SP140: variants seen among roughly 807,000 people sequenced by gnomAD.
The protein encoded by SP140 is SP140 nuclear body protein, also known as nuclear body protein SP140.
A neutral mutation model predicts 125.0 loss-of-function variants in SP140; 81 were observed. The ratio of observed to expected loss-of-function variants is 0.65; its 90% CI spans 0.54 to 0.78. The LOEUF (loss-of-function observed/expected upper bound fraction) is 0.78. Ranked by LOEUF, SP140 falls within the 30% of genes least tolerant of loss-of-function variation. The pLI is 0.00. For synonymous variants in SP140, 312 were observed against 354.0 expected, an observed-to-expected ratio of 0.88 and a Z score of 1.33; for missense variants, 858 against 1,037.0, an observed-to-expected ratio of 0.83 and a Z score of 2.37.
At chr2:230,265,824 A>C (rs1240095936) in intron 12 of SP140, among the ~76,000 whole-genome samples, 1 of 151,944 alleles carries the variant, frequency 6.6e-6, no homozygotes, top group East Asian at 1.9e-4. Flanking sequence ...CTGCAGGTGC[A>C]ATCTGCTTCC....
chr2:230,231,383 T>C (rs932579371), intron 1 of SP140, among the ~76,000 whole-genome samples: 1 of 152,186 alleles, frequency 6.6e-6, no homozygotes, highest in African/African-American at 2.4e-5. Context: ...AAGCCTTCAA[T>C]GTGAGGTTTT....
intron 12 of SP140, among the ~76,000 whole-genome samples, chr2:230,265,178 A>C (rs906751079): frequency 1.3e-5 from 2 of 152,004 alleles, no homozygotes; most frequent in African/African-American, 4.8e-5. Context: ...TTCCCATGTC[A>C]CTGGAGTTGT....
At chr2:230,235,961 C>T (rs2047937304) in intron 1 of SP140, among the ~76,000 whole-genome samples, 1 of 149,958 alleles carries the variant, frequency 6.7e-6, no homozygotes, top group Non-Finnish European at 1.5e-5. Context: ...ACTGCAAGCT[C>T]CGCCTCCTGG....
Position 230,296,076 on chromosome 2 carries a change from C to CA in SP140, c.2017-1330dup, listed in dbSNP as rs10712405. ...CAACATAGTGAGATACCATCTCTAC[C>CA]AAAAAAAAAAAAAAATTACCCAGAC... On this transcript the variant is annotated intron_variant, in intron 21 of 26. Transcript: ENST00000392045. 1.3e-3 allele frequency among the ~76,000 whole-genome samples: 180 copies of CA among 143,292 alleles called. 1 individual carries two copies. In the East Asian group the frequency reaches 0.018, roughly 14 times the overall value. The allele number at this position is 143,292 out of a possible 152,430, so 94.0% of individuals were successfully genotyped here.
At chr2:230,280,072 A>C (rs1201903654) in intron 15 of SP140, among the ~76,000 whole-genome samples, 2 of 152,134 alleles carry the variant, frequency 1.3e-5, no homozygotes, top group East Asian at 3.8e-4. Context: ...TTTCTTGTTT[A>C]AATTTGTGTC....
Position 230,258,321 on chromosome 2 carries a change from C to T in SP140, c.1240+2789C>T, listed in dbSNP as rs202177106. Among the ~76,000 whole-genome samples the T allele has an allele frequency of 1.4e-4, 21 of 152,174 alleles. No individual in the cohort carries two copies. In the East Asian group the frequency reaches 3.9e-3, roughly 28 times the overall value. On this transcript the variant is annotated intron_variant, in intron 12 of 26. Transcript: ENST00000392045. The stretch of plus-strand genomic sequence containing the variant: ...TGCTAGATTGAGAGTGTTATCCTTG[C>T]AAAGGATGACATAAGAAAAAGTAAT...
intron 1 of SP140, among the ~76,000 whole-genome samples, chr2:230,207,832 C>T (rs935623370): frequency 3.3e-5 from 5 of 152,134 alleles, no homozygotes; most frequent in East Asian, 1.9e-4. Flanking sequence ...TTCTTTACAC[C>T]GTAGCAAAAT....
At chr2:230,310,067 T>C in intron 23 of SP140, 28 bp downstream of exon 23, 2 of 1,610,582 alleles carry the variant, frequency 1.2e-6, no homozygotes, top group Non-Finnish European at 1.7e-6. Flanking sequence ...GTCTCTCTTT[T>C]TGTCCTTTAA....
intron 1 of SP140, 109 bp from the exon 2 acceptor site, chr2:230,236,974 T>C: frequency 1.4e-6 from 1 of 734,918 alleles, no homozygotes; most frequent in South Asian, 2.3e-5. Flanking sequence ...ATGCTTATTT[T>C]ATACATGTTG....
At chr2:230,195,747 C>T in the SP140 span, among the ~76,000 whole-genome samples, 1 of 152,044 alleles carries the variant, frequency 6.6e-6, no homozygotes, top group South Asian at 2.1e-4. Context: ...ATGAGATAAA[C>T]AGATTTGAAT....
intron 3 of SP140, among the ~76,000 whole-genome samples, chr2:230,217,467 C>A (rs181039842): frequency 1.3e-5 from 2 of 152,204 alleles, no homozygotes; most frequent in Admixed American, 1.3e-4. Context: ...GACAGAATCC[C>A]AAGGCGCTGC....
chr2:230,251,039 C>T lies in SP140; in HGVS notation c.1035C>T (p.Ser345=), dbSNP rs781018964. 5.6e-6 allele frequency: 9 copies of T among 1,613,588 alleles called. No homozygotes were observed. The South Asian group carries it at 9.9e-5, about 18-fold the overall frequency. ...CDGEEPQEAS[S]SLARCGSVSC... is the part of the protein sequence containing the mutation. ...GAGAAGAGCCCCAGGAAGCCTCTAG[C>T]TCCCTAGCAAGATGTGGGTCAGGTA... The change falls in exon 10 of 27, where the codon AGC becomes AGT. Residue 345 remains serine (S), a synonymous_variant. Transcript: ENST00000392045.
At chr2:230,200,811 G>A, upstream of SP140, 2 of 1,119,394 alleles carry the variant, frequency 1.8e-6, no homozygotes, top group Non-Finnish European at 1.4e-6. Flanking sequence ...AAGAAATATT[G>A]CCTCAGTGTA....
intron 1 of SP140, chr2:230,235,219 C>T (rs2047797358): frequency 6.6e-6 from 1 of 152,236 alleles, no homozygotes; most frequent in South Asian, 2.1e-4. Context: ...ATCTCTGCAT[C>T]TCCTTCTCAA....
downstream of SP140, among the ~76,000 whole-genome samples, chr2:230,315,302 C>T (rs757425123): frequency 4.6e-5 from 7 of 152,140 alleles, no homozygotes; most frequent in Non-Finnish European, 8.8e-5. Flanking sequence ...CAAGTTTTCA[C>T]GGGAGGGCTC....
In SP140 at chr2:230,312,854, A is replaced by G. The variant is rs2059431748; in HGVS notation, c.*170A>G. On this transcript the variant is annotated 3_prime_UTR_variant, in exon 27 of 27. Coordinates refer to ENST00000392045, the MANE Select transcript of SP140 (RefSeq NM_007237.5). ...CAAATCCTCAAAAGGAAATTCAATC[A>G]TCATGAATCACAACCCCAAGTATCT... The G allele has an allele frequency of 1.8e-6, 1 of 543,820 alleles. No individual in the cohort carries two copies. The highest frequency in any genetic ancestry group is 3.5e-5 in the Admixed American group (1 of 28,620). 33.7% of individuals were successfully genotyped at this position (543,820 alleles called of 1,614,324 possible). A position where few individuals can be genotyped will look rare whatever the true frequency, so the allele number is the denominator to read the frequency against.
At chr2:230,286,434 TG>T (rs1445402694) in intron 17 of SP140, among the ~76,000 whole-genome samples, 2 of 152,200 alleles carry the variant, frequency 1.3e-5, no homozygotes, top group African/African-American at 4.8e-5. Flanking sequence ...GCTGTTGGCT[TG>T]GTCCCATCCA....
chr2:230,225,937 A>C lies in SP140; in HGVS notation c.59+34A>C, dbSNP rs772138638. 4 of 1,578,660 alleles carry C rather than the reference A, an allele frequency of 2.5e-6. No homozygotes were observed. In the Admixed American group the frequency reaches 6.7e-5, roughly 26 times the overall value. ...TCGTCTCCTTTCCCGTCTGTCCTTC[A>C]TCTCTGGTAGGGTTCCCTTTCATAC... On this transcript the variant is annotated intron_variant, in intron 1 of 26. Coordinates refer to ENST00000392045, the MANE Select transcript of SP140 (RefSeq NM_007237.5).
intron 4 of SP140, among the ~76,000 whole-genome samples, chr2:230,242,042 A>T (rs897017287): frequency 1.3e-5 from 2 of 152,160 alleles, no homozygotes; most frequent in Non-Finnish European, 2.9e-5. Context: ...GTGTTGGCAG[A>T]TAGAAGATCA....
Sources: gnomAD v4.1 joint callset for allele counts (sites outside exome capture counted in the v4.1 genomes callset) on GRCh38, gnomAD v4.1.1 for gene constraint, MANE v1.5 for transcripts, NCBI Gene and HGNC (gene_info 2026-07-23, HGNC 2026-07-21) for gene names.